NRAP: variants seen among roughly 807,000 people sequenced by gnomAD.
NRAP encodes nebulin related anchoring protein.
In NRAP, 189 loss-of-function variants were observed where a neutral mutation model predicts 225.9. That is an observed-to-expected ratio of 0.84 (90% CI 0.74 to 0.94). The LOEUF (loss-of-function observed/expected upper bound fraction) is 0.94, where lower values mean the gene tolerates loss of function less well. Among genes scored for constraint, NRAP ranks in the 40% least tolerant of loss-of-function variants. NRAP has a pLI of 0.00. For missense variants in NRAP, 2,176 were observed against 2,168.7 expected (o/e 1.00, Z -0.07); for synonymous variants, 769 against 790.7 (o/e 0.97, Z 0.46).
At chr10:113,662,809 T>C in intron 2 of NRAP, 43 bp from the exon 3 acceptor site, 1 of 937,550 alleles carries the variant, frequency 1.1e-6, no homozygotes, top group Non-Finnish European at 1.7e-6. Context: ...ATGTACTTTA[T>C]CCAAATGATT....
At chr10:113,653,136 T>A in intron 5 of NRAP, 97 bp from the exon 6 acceptor site, 2 of 672,294 alleles carry the variant, frequency 3.0e-6, no homozygotes, top group Non-Finnish European at 2.5e-6. Context: ...ATTCATAAAG[T>A]TCTTCGGAAA....
intron 30 of NRAP, among the ~76,000 whole-genome samples, chr10:113,611,269 T>A (rs931866673): frequency 1.3e-5 from 2 of 151,748 alleles, no homozygotes; most frequent in African/African-American, 4.8e-5. Flanking sequence ...TGACAGTTTA[T>A]GTCATTCAGT....
Position 113,634,111 on chromosome 10 carries a change from C to T in NRAP, c.1527+1G>A. On this transcript the variant is annotated splice_donor_variant, in intron 15 of 41. Transcript: ENST00000359988. LOFTEE classifies it high-confidence loss of function. ...CCAGCTGGGCAGGGACAGTTACTTA[C>T]ATGACTCAGCTGCTGGGCATTGATT... is the stretch of plus-strand genomic sequence containing the variant. The T allele has an allele frequency of 1.2e-6, 2 of 1,609,550 alleles. No individual in the cohort carries two copies. Among genetic ancestry groups the T allele is most frequent in the Non-Finnish European group, 1.7e-6 (2 of 1,175,856 alleles).
intron 19 of NRAP, 44 bp from the exon 20 acceptor site, chr10:113,629,065 G>C (rs1170919420): frequency 3.7e-6 from 5 of 1,358,728 alleles, no homozygotes; most frequent in Non-Finnish European, 5.3e-6. Context: ...CGCATGGATA[G>C]AGACAGGACA....
At chr10:113,659,638 C>T (rs544097385) in intron 3 of NRAP, among the ~76,000 whole-genome samples, 1 of 152,258 alleles carries the variant, frequency 6.6e-6, no homozygotes, top group African/African-American at 2.4e-5. Context: ...GCATGAAGGG[C>T]TAAATTTCGT....
At chr10:113,623,461 C>G in intron 23 of NRAP, 68 bp downstream of exon 23, 1 of 985,594 alleles carries the variant, frequency 1.0e-6, no homozygotes, top group Non-Finnish European at 1.6e-6. Flanking sequence ...CCCAGACACT[C>G]AGAGAATCTC....
chr10:113,659,990 T>C (rs2134212679), intron 3 of NRAP, among the ~76,000 whole-genome samples: 2 of 151,966 alleles, frequency 1.3e-5, no homozygotes, highest in Admixed American at 1.3e-4. Context: ...CTGTAAGGGA[T>C]ATGGTTGTCC....
intron 18 of NRAP, 75 bp downstream of exon 18, chr10:113,631,434 G>A (rs1354430077): frequency 1.2e-6 from 1 of 821,198 alleles, no homozygotes; most frequent in African/African-American, 1.7e-5. Flanking sequence ...ACAGTCCCAG[G>A]TGAAGTAGGC....
rs187658409 is a variant in NRAP at position 113,637,600 on chromosome 10, G to A, written c.1428+2627C>T. ...AACGAAGTGCTCCTGACAATGGGCC[G>A]TGGAGTGTTTTGTTGGATTTGGAGA... On this transcript the variant is annotated intron_variant, in intron 14 of 41. Transcript: ENST00000359988. Among the ~76,000 whole-genome samples, 534 of 152,284 alleles carry A rather than the reference G, an allele frequency of 3.5e-3. 4 individuals carry two copies. Among genetic ancestry groups the A allele is most frequent in the African/African-American group, 0.012 (504 of 41,566 alleles).
intron 32 of NRAP, among the ~76,000 whole-genome samples, chr10:113,607,610 T>C (rs1395784416): frequency 6.6e-6 from 1 of 152,136 alleles, no homozygotes; most frequent in African/African-American, 2.4e-5. Flanking sequence ...TAAAAGATCA[T>C]GAATTCCATC....
Position 113,588,996 on chromosome 10 carries a change from C to G in NRAP, c.5172G>C (p.Lys1724Asn). 6.2e-7 allele frequency: 1 copy of G among 1,613,634 alleles called. No individual in the cohort carries two copies. Among genetic ancestry groups the G allele is most frequent in the Non-Finnish European group, 8.5e-7 (1 of 1,179,854 alleles). The stretch of plus-strand genomic sequence containing the variant: ...TGGCTCACAACAGCAGGGCCTTCTT[C>G]TTTTTGACGTGCAGAATCTCAGTGG... Reference protein sequence around the residue: ...PDATEILHVKKKKALLL With the variant: ...PDATEILHVKNKKALLL Residue 1724 changes from lysine to asparagine, a missense_variant, in exon 42 of 42, where the codon AAG becomes AAC. Physicochemically the swap from Lys to Asn is moderately conservative, Grantham distance 94 (BLOSUM62 0). This residue lies in a region of NRAP where 445 missense variants were observed against 426.1 expected (regional missense o/e 1.04). Coordinates refer to ENST00000359988, the MANE Select transcript of NRAP (RefSeq NM_198060.4).
intron 37 of NRAP, 74 bp from the exon 38 acceptor site, chr10:113,595,801 C>A: frequency 1.0e-6 from 1 of 974,316 alleles, no homozygotes; most frequent in East Asian, 2.4e-5. Flanking sequence ...CAACTGACTC[C>A]CTTTCCTGCC....
rs1847501967 is a variant in NRAP, at chr10:113,614,214, T to C, written c.3269A>G (p.His1090Arg). Residue 1090 changes from histidine (H) to arginine (R), a missense_variant, in exon 29 of 42, where the codon CAT becomes CGT. Physicochemically the swap from His to Arg is conservative, Grantham distance 29. Coordinates refer to ENST00000359988, the MANE Select transcript of NRAP (RefSeq NM_198060.4). Reference sequence around the variant, plus strand: ...CTGCAGTGAGGTCGCATACACTGAATGTGCAAGGCTGATATCATCTTCCAA... The same window carrying C: ...CTGCAGTGAGGTCGCATACACTGAACGTGCAAGGCTGATATCATCTTCCAA... ...RSLEDDISLA[H>R]SVYATSLQSD... 11 of 1,613,988 alleles carry C rather than the reference T, an allele frequency of 6.8e-6. No homozygotes were observed. Among genetic ancestry groups the C allele is most frequent in the Non-Finnish European group, 9.3e-6 (11 of 1,179,810 alleles).
chr10:113,643,171 C>T, intron 11 of NRAP, 133 bp from the exon 12 acceptor site: 1 of 500,154 alleles, frequency 2.0e-6, no homozygotes. Flanking sequence ...ATAGAATATG[C>T]TAAGTTAGCA....
chr10:113,606,360 G>A (rs74763991), intron 32 of NRAP, 78 bp from the exon 33 acceptor site: 24 of 843,332 alleles, frequency 2.8e-5, no homozygotes, highest in East Asian at 5.1e-5. Flanking sequence ...GTCCCTCAAC[G>A]ATAGTTGAGG....
chr10:113,590,504 C>T (rs562836760), intron 40 of NRAP, 74 bp downstream of exon 40: 133 of 1,431,620 alleles, frequency 9.3e-5, no homozygotes, highest in Middle Eastern at 2.3e-4. Context: ...AACAATGGAA[C>T]GTGGCATTAT....
At chr10:113,623,297 C>G (rs928286450) in intron 23 of NRAP, among the ~76,000 whole-genome samples, 4 of 152,168 alleles carry the variant, frequency 2.6e-5, no homozygotes, top group Non-Finnish European at 5.9e-5. Context: ...CTTGCTACTA[C>G]TACAAATAAT....
intron 21 of NRAP, 46 bp downstream of exon 21, chr10:113,626,001 C>A: frequency 1.4e-6 from 2 of 1,390,790 alleles, no homozygotes; most frequent in Non-Finnish European, 2.0e-6. Flanking sequence ...GTCCCCCAGG[C>A]CCATGACACA....
intron 3 of NRAP, among the ~76,000 whole-genome samples, chr10:113,660,690 G>C (rs565130383): frequency 7.3e-4 from 111 of 152,296 alleles, no homozygotes; most frequent in South Asian, 1.2e-3. Context: ...AATGCAAACA[G>C]CATTCTGAGG....
Sources: gnomAD v4.1 joint callset for allele counts (sites outside exome capture counted in the v4.1 genomes callset) on GRCh38, gnomAD v4.1.1 for gene constraint, gnomAD v4.1.1 regional missense constraint, MANE v1.5 for transcripts, NCBI Gene and HGNC (gene_info 2026-07-23, HGNC 2026-07-21) for gene names.